VANGL1: variants seen among roughly 807,000 people sequenced by gnomAD.
VANGL1 encodes the protein vang-like protein 1.
Under a neutral mutation model 48.4 loss-of-function variants are expected in VANGL1, and 18 were observed. The ratio of observed to expected loss-of-function variants is 0.37; its 90% CI spans 0.26 to 0.55. The LOEUF (loss-of-function observed/expected upper bound fraction) is 0.55. VANGL1 is among the 20% of genes least tolerant of loss of function. The pLI is 0.81. For missense variants in VANGL1, 667 were observed against 675.8 expected, an observed-to-expected ratio of 0.99 and a Z score of 0.14; for synonymous variants, 257 against 261.8, an observed-to-expected ratio of 0.98 and a Z score of 0.18.
At chr1:115,664,293 G>T in intron 4 of VANGL1, 25 bp downstream of exon 4, 1 of 1,611,120 alleles carries the variant, frequency 6.2e-7, no homozygotes. Flanking sequence ...CCAGGAGGCA[G>T]AAAGGATGGC....
intron 1 of VANGL1, among the ~76,000 whole-genome samples, chr1:115,649,334 T>G (rs1652051744): frequency 6.6e-6 from 1 of 152,176 alleles, no homozygotes; most frequent in Non-Finnish European, 1.5e-5. Flanking sequence ...TGCTTCCTTT[T>G]TATGGATTGG....
intron 3 of VANGL1, among the ~76,000 whole-genome samples, chr1:115,662,849 C>CG (rs1302071355): frequency 1.3e-5 from 2 of 150,358 alleles, no homozygotes; most frequent in African/African-American, 4.9e-5. Flanking sequence ...TACAGTGGCA[C>CG]GATCTCAGCT....
At chr1:115,658,511 A>G (rs1557764789) in intron 2 of VANGL1, among the ~76,000 whole-genome samples, 1 of 152,224 alleles carries the variant, frequency 6.6e-6, no homozygotes. Flanking sequence ...CAAGGTTTTC[A>G]GAGATTGAAT....
chr1:115,658,966 C>T (rs917436384), intron 2 of VANGL1, among the ~76,000 whole-genome samples: 2 of 151,956 alleles, frequency 1.3e-5, no homozygotes, highest in Non-Finnish European at 2.9e-5. Flanking sequence ...CACACAAACA[C>T]ACACACATCC....
intron 5 of VANGL1, 37 bp downstream of exon 5, chr1:115,682,534 G>A (rs1380513911): frequency 6.2e-7 from 1 of 1,613,818 alleles, no homozygotes; most frequent in African/African-American, 1.3e-5. Context: ...GTGCTCACAG[G>A]GGCACAGTTG....
At chr1:115,652,676 T>C (rs969023384) in intron 2 of VANGL1, among the ~76,000 whole-genome samples, 1 of 152,158 alleles carries the variant, frequency 6.6e-6, no homozygotes, top group Non-Finnish European at 1.5e-5. Context: ...TAGTGGTTTT[T>C]CCCTGACTGC....
intron 2 of VANGL1, among the ~76,000 whole-genome samples, chr1:115,653,006 G>A (rs907426552): frequency 2.0e-5 from 3 of 152,158 alleles, no homozygotes; most frequent in Non-Finnish European, 4.4e-5. Context: ...TTGAGGAAAC[G>A]TTCATGAGAC....
chr1:115,673,340 T>C (rs1393455018), intron 4 of VANGL1, among the ~76,000 whole-genome samples: 1 of 152,208 alleles, frequency 6.6e-6, no homozygotes, highest in Non-Finnish European at 1.5e-5. Flanking sequence ...TAGCTTCCCC[T>C]TAGTTTCCTA....
At position 115,688,893 on chromosome 1, in the gene VANGL1, C is replaced by G. The variant is rs1653735306; in HGVS notation, c.1315-2226C>G. On this transcript the variant is annotated intron_variant, in intron 7 of 7. Coordinates refer to ENST00000355485, the MANE Select transcript of VANGL1 (RefSeq NM_138959.3). The stretch of plus-strand genomic sequence containing the variant: ...CAAACTCCACCTCCCGGGTTCACAC[C>G]ATTCTCCTGCCTCAGCCTCCCGAGT... Among the ~76,000 whole-genome samples the G allele has an allele frequency of 1.5e-5, 2 of 134,592 alleles. 1 individual carries two copies. Among genetic ancestry groups the G allele is most frequent in the African/African-American group, 5.6e-5 (2 of 35,482 alleles). 88.3% of individuals were successfully genotyped at this position (134,592 alleles called of 152,430 possible). A position where few individuals can be genotyped will look rare whatever the true frequency, so the allele number is the denominator to read the frequency against.
At chr1:115,642,109 C>G (rs1336961660) in intron 1 of VANGL1, 23 bp downstream of exon 1, 2 of 151,386 alleles carry the variant, frequency 1.3e-5, no homozygotes, top group Non-Finnish European at 1.5e-5. Flanking sequence ...AGAGGCCGAG[C>G]GCTGCGCGGC....
rs560001503 is a variant in VANGL1, at chr1:115,685,398, G to A, written c.1185G>A (p.Gln395=). 10 of 1,614,132 alleles carry A rather than the reference G, an allele frequency of 6.2e-6. No homozygotes were observed. Among genetic ancestry groups the A allele is most frequent in the Non-Finnish European group, 8.5e-6 (10 of 1,180,010 alleles). ...GEVMDPREAA[Q]AIFPSMARAL... ...TGATGGACCCTAGGGAGGCCGCCCA[G>A]GCCATTTTCCCCTCCATGGCCAGGG... is the stretch of plus-strand genomic sequence containing the variant. The change falls in exon 7 of 8, where the codon CAG becomes CAA. Residue 395 remains glutamine (Q), a synonymous_variant. Transcript: ENST00000355485.
intron 1 of VANGL1, among the ~76,000 whole-genome samples, chr1:115,643,782 C>A (rs189110461): frequency 2.0e-5 from 3 of 152,284 alleles, no homozygotes; most frequent in African/African-American, 7.2e-5. Flanking sequence ...TTCCATGTCA[C>A]CCTTTGTTTG....
rs570547477 is a variant in VANGL1, at chr1:115,649,012, A to C, written c.-137-2265A>C. Among the ~76,000 whole-genome samples the C allele has an allele frequency of 3.3e-4, 51 of 152,256 alleles. 1 individual carries two copies. The highest frequency in any genetic ancestry group is 1.0e-4 in the Non-Finnish European group (7 of 68,014). ...GTGAGGGGCTTTCAGGGAGGATCTCAGTTCACTCAGGGCTGGAGATCTTCG... is the reference window on the plus strand; with the variant it reads ...GTGAGGGGCTTTCAGGGAGGATCTCCGTTCACTCAGGGCTGGAGATCTTCG... On this transcript the variant is annotated intron_variant, in intron 1 of 7. Transcript: ENST00000355485.
intron 2 of VANGL1, among the ~76,000 whole-genome samples, chr1:115,657,613 T>C (rs1652397630): frequency 6.6e-6 from 1 of 152,216 alleles, no homozygotes; most frequent in Non-Finnish European, 1.5e-5. Flanking sequence ...TCTGCTTATT[T>C]GGCTGTTTCC....
rs375754395 is a variant in VANGL1, at chr1:115,688,789, CT to C, written c.1315-2316del. Among the ~76,000 whole-genome samples, 246 of 124,122 alleles carry C rather than the reference CT, an allele frequency of 2.0e-3. 23 individuals carry two copies. Among genetic ancestry groups the C allele is most frequent in the African/African-American group, 3.9e-3 (131 of 33,268 alleles). 81.4% of individuals were successfully genotyped at this position (124,122 alleles called of 152,430 possible). A position where few individuals can be genotyped will look rare whatever the true frequency, so the allele number is the denominator to read the frequency against. Reference sequence around the variant, plus strand: ...TTAATTCTTCTAATTTATATTTCTTCTTTTTTTTTTTTTTCTTTGAGACGGA... The same window carrying C: ...TTAATTCTTCTAATTTATATTTCTTCTTTTTTTTTTTTTCTTTGAGACGGA... On this transcript the variant is annotated intron_variant, in intron 7 of 7. Coordinates refer to ENST00000355485, the MANE Select transcript of VANGL1 (RefSeq NM_138959.3).
intron 3 of VANGL1, among the ~76,000 whole-genome samples, chr1:115,662,849 C>T (rs999757373): frequency 2.7e-5 from 4 of 150,358 alleles, no homozygotes; most frequent in Non-Finnish European, 5.9e-5. Context: ...TACAGTGGCA[C>T]GATCTCAGCT....
chr1:115,661,327 T>A (rs1652537683), intron 3 of VANGL1, among the ~76,000 whole-genome samples: 1 of 152,170 alleles, frequency 6.6e-6, no homozygotes, highest in Non-Finnish European at 1.5e-5. Context: ...ATGCCCTTTC[T>A]AGTCAATCTC....
intron 4 of VANGL1, among the ~76,000 whole-genome samples, chr1:115,672,342 T>C (rs1400436570): frequency 6.6e-6 from 1 of 152,174 alleles, no homozygotes; most frequent in African/African-American, 2.4e-5. Flanking sequence ...AGGTACGCTT[T>C]CCAGCCTTCC....
At chr1:115,647,853 C>T (rs189568117) in intron 1 of VANGL1, among the ~76,000 whole-genome samples, 2 of 152,268 alleles carry the variant, frequency 1.3e-5, no homozygotes, top group African/African-American at 4.8e-5. Context: ...ATGGTATTCC[C>T]AAGGGGAGCA....
Sources: gnomAD v4.1 joint callset for allele counts (sites outside exome capture counted in the v4.1 genomes callset) on GRCh38, gnomAD v4.1.1 for gene constraint, MANE v1.5 for transcripts, NCBI Gene and HGNC (gene_info 2026-07-23, HGNC 2026-07-21) for gene names.